The following ATG5 variants were observed in gnomAD, a reference collection of about 807,000 sequenced individuals.
The protein encoded by ATG5 is autophagy related 5.
In ATG5, 14 loss-of-function variants were observed where a neutral mutation model predicts 36.5. The ratio of observed to expected loss-of-function variants is 0.38; its 90% confidence interval spans 0.25 to 0.60. The LOEUF (loss-of-function observed/expected upper bound fraction) is 0.60, where lower values mean the gene tolerates loss of function less well. Ranked by LOEUF, ATG5 falls within the 20% of genes least tolerant of loss-of-function variation. The pLI is 0.60. For synonymous variants in ATG5, 95 were observed against 101.5 expected (o/e 0.94, Z 0.38); for missense variants, 195 against 326.7 (o/e 0.60, Z 3.11).
chr6:106,317,214 TAG>T, intron 1 of ATG5, among the ~76,000 whole-genome samples: 1 of 152,322 alleles, frequency 6.6e-6, no homozygotes, highest in South Asian at 2.1e-4. Context: ...AATATACACT[TAG>T]AGTAACTCAA....
rs1232812290 is a variant in ATG5 at position 106,301,528 on chromosome 6, A to T, written c.236+6836T>A. On this transcript the variant is annotated intron_variant, in intron 3 of 7. Coordinates refer to ENST00000369076, the MANE Select transcript of ATG5 (RefSeq NM_004849.4). ...TTATTTGAGTCTCGGTTTTCCAAAT[A>T]AAAGCAAGGGGCAAATTTAGATTCA... Among the ~76,000 whole-genome samples, 3 of 152,156 alleles carry T rather than the reference A, an allele frequency of 2.0e-5. No individual in the cohort carries two copies. The East Asian group carries it at 5.8e-4, about 29-fold the overall frequency.
chr6:106,312,822 A>G (rs1399511235), intron 2 of ATG5, among the ~76,000 whole-genome samples: 1 of 152,218 alleles, frequency 6.6e-6, no homozygotes, highest in Non-Finnish European at 1.5e-5. Flanking sequence ...AAAAAATACC[A>G]TTAGTGACTT....
chr6:106,305,437 T>C (rs1323945775), intron 3 of ATG5, among the ~76,000 whole-genome samples: 1 of 152,216 alleles, frequency 6.6e-6, no homozygotes, highest in African/African-American at 2.4e-5. Context: ...ACTTTAGTTT[T>C]TTTTTCTTGT....
intron 6 of ATG5, among the ~76,000 whole-genome samples, chr6:106,217,305 TTC>T (rs1197155231): frequency 2.7e-4 from 41 of 152,240 alleles, no homozygotes; most frequent in Non-Finnish European, 4.4e-4. Flanking sequence ...AATATTCATG[TTC>T]TGATACTGAA....
chr6:106,226,458 C>A (rs868535061), intron 6 of ATG5, among the ~76,000 whole-genome samples: 6 of 152,224 alleles, frequency 3.9e-5, no homozygotes, highest in South Asian at 2.1e-4. Context: ...GCAGCAGAAA[C>A]TGGCCCTGAA....
At chr6:106,269,592 C>G (rs887312774) in intron 5 of ATG5, among the ~76,000 whole-genome samples, 3 of 152,252 alleles carry the variant, frequency 2.0e-5, no homozygotes, top group Non-Finnish European at 4.4e-5. Flanking sequence ...GAGTGCAGCG[C>G]CGGTGGGCCG....
intron 6 of ATG5, among the ~76,000 whole-genome samples, chr6:106,234,912 T>C (rs1386858535): frequency 1.3e-5 from 2 of 152,186 alleles, no homozygotes; most frequent in African/African-American, 2.4e-5. Context: ...TCCTTCAAAA[T>C]TGAAGAGCTT....
chr6:106,322,197 G>A (rs1020240048), intron 1 of ATG5, among the ~76,000 whole-genome samples: 6 of 151,870 alleles, frequency 4.0e-5, no homozygotes, highest in Non-Finnish European at 7.3e-5. Context: ...CAGAGCCTGG[G>A]ACAGAGTAGG....
intron 5 of ATG5, among the ~76,000 whole-genome samples, chr6:106,267,030 G>A (rs771973524): frequency 3.3e-5 from 5 of 151,746 alleles, no homozygotes; most frequent in Non-Finnish European, 7.4e-5. Flanking sequence ...AAAATAAAGG[G>A]TATTCAAATA....
At chr6:106,191,336 T>C (rs892082884) in intron 7 of ATG5, among the ~76,000 whole-genome samples, 1 of 152,026 alleles carries the variant, frequency 6.6e-6, no homozygotes. Flanking sequence ...ATTGAGACCA[T>C]CTCCTAAGTT....
At chr6:106,237,464 G>A (rs1412136904) in intron 6 of ATG5, among the ~76,000 whole-genome samples, 1 of 152,142 alleles carries the variant, frequency 6.6e-6, no homozygotes, top group Non-Finnish European at 1.5e-5. Context: ...TTTAGTCCTT[G>A]TTCCATTGCT....
intron 5 of ATG5, among the ~76,000 whole-genome samples, chr6:106,259,980 C>T (rs1425775012): frequency 6.6e-6 from 1 of 152,074 alleles, no homozygotes; most frequent in Non-Finnish European, 1.5e-5. Flanking sequence ...AAGCTGGAAA[C>T]CATCATTCTC....
At chr6:106,251,823 G>A (rs1429938033) in intron 5 of ATG5, among the ~76,000 whole-genome samples, 1 of 151,612 alleles carries the variant, frequency 6.6e-6, no homozygotes, top group Non-Finnish European at 1.5e-5. Context: ...ATAACCAAGT[G>A]TCTTTCACAA....
At chr6:106,193,025 A>G (rs1484570796) in intron 7 of ATG5, among the ~76,000 whole-genome samples, 2 of 152,226 alleles carry the variant, frequency 1.3e-5, no homozygotes, top group African/African-American at 4.8e-5. Flanking sequence ...GGATATAGCC[A>G]AAGAAATACA....
At chr6:106,295,093 T>C (rs1170411148) in intron 3 of ATG5, among the ~76,000 whole-genome samples, 3 of 151,882 alleles carry the variant, frequency 2.0e-5, no homozygotes, top group African/African-American at 4.8e-5. Flanking sequence ...CACACATATA[T>C]AGTACTATAG....
At chr6:106,282,201 C>T (rs137964630) in intron 4 of ATG5, among the ~76,000 whole-genome samples, 2 of 152,360 alleles carry the variant, frequency 1.3e-5, no homozygotes, top group African/African-American at 2.4e-5. Flanking sequence ...TACTCATCTA[C>T]ATCAGGTGCT....
intron 5 of ATG5, among the ~76,000 whole-genome samples, chr6:106,277,855 A>G (rs1779722007): frequency 1.3e-5 from 2 of 152,210 alleles, no homozygotes; most frequent in Admixed American, 6.5e-5. Flanking sequence ...TATACTGAAC[A>G]ATAACAAGTT....
intron 1 of ATG5, among the ~76,000 whole-genome samples, chr6:106,317,263 T>C (rs534566110): frequency 6.6e-6 from 1 of 152,218 alleles, no homozygotes; most frequent in Non-Finnish European, 1.5e-5. Flanking sequence ...AATATACTTA[T>C]CCAAATAATA....
At chr6:106,299,986 T>C (rs1208842822) in intron 3 of ATG5, among the ~76,000 whole-genome samples, 1 of 152,224 alleles carries the variant, frequency 6.6e-6, no homozygotes. Flanking sequence ...CTGTGAATAC[T>C]GACTTACTCT....
Sources: gnomAD v4.1 joint callset for allele counts (sites outside exome capture counted in the v4.1 genomes callset) on GRCh38, gnomAD v4.1.1 for gene constraint, MANE v1.5 for transcripts, NCBI Gene and HGNC (gene_info 2026-07-23, HGNC 2026-07-21) for gene names.